Variants in POLR1C observed in about 807,000 individuals in gnomAD.
POLR1C encodes RNA polymerase I and III subunit C.
POLR1C carries 42 observed loss-of-function variants against 38.3 expected under a neutral mutation model. That is an observed-to-expected ratio of 1.10 (90% CI 0.86 to 1.42). The LOEUF is 1.42. Ranked by LOEUF, POLR1C falls within the 40% of genes most tolerant of loss-of-function variation. The pLI, the probability that POLR1C is intolerant of heterozygous loss-of-function variation, is 0.00. For missense variants in POLR1C, 507 were observed against 450.5 expected (o/e 1.13, Z -1.14); for synonymous variants, 163 against 163.9 (o/e 0.99, Z 0.04).
chr6:43,522,038 C>T (rs1057362379), downstream of POLR1C, among the ~76,000 whole-genome samples: 1 of 152,226 alleles, frequency 6.6e-6, no homozygotes, highest in African/African-American at 2.4e-5. Flanking sequence ...CACCTATCTC[C>T]TGGTTTACCA....
chr6:43,522,785 G>A (rs1478900054), downstream of POLR1C: 1 of 436,132 alleles, frequency 2.3e-6, no homozygotes, highest in Non-Finnish European at 5.0e-6. Context: ...TTTCTGTATG[G>A]ATTAACTCTG....
downstream of POLR1C, chr6:43,525,049 C>T (rs1793478842): frequency 6.3e-7 from 1 of 1,578,750 alleles, no homozygotes; most frequent in South Asian, 1.2e-5. Context: ...ATGATTTAGT[C>T]AGTCTGCATG....
intron 10 of POLR1C, chr6:43,553,514 CACACACACACAT>C (rs773697385): frequency 3.2e-6 from 5 of 1,544,918 alleles, no homozygotes; most frequent in East Asian, 2.4e-5. Context: ...CTTTAAAACA[CACACACACACAT>C]ACACACACAC....
At chr6:43,549,305 C>A (rs1032962654) in intron 9 of POLR1C, among the ~76,000 whole-genome samples, 2 of 152,328 alleles carry the variant, frequency 1.3e-5, no homozygotes, top group Non-Finnish European at 2.9e-5. Flanking sequence ...CTCAGGTGAT[C>A]TACCCACCTC....
downstream of POLR1C, chr6:43,530,621 G>A: frequency 1.9e-6 from 3 of 1,554,498 alleles, no homozygotes; most frequent in Non-Finnish European, 2.6e-6. Context: ...TGGTTGCTGT[G>A]ACCTGTTTTG....
intron 8 of POLR1C, chr6:43,528,990 T>C (rs1196854435): frequency 6.1e-6 from 9 of 1,464,820 alleles, no homozygotes; most frequent in South Asian, 1.2e-5. Flanking sequence ...AGGTGGTGGG[T>C]TGCACCCCTG....
chr6:43,530,676 T>G, downstream of POLR1C: 1 of 1,611,412 alleles, frequency 6.2e-7, no homozygotes, highest in Non-Finnish European at 8.5e-7. Flanking sequence ...GTAGAGACTT[T>G]TGAAAGGATA....
intron 9 of POLR1C, among the ~76,000 whole-genome samples, chr6:43,548,671 G>T (rs974150136): frequency 2.6e-5 from 4 of 151,642 alleles, no homozygotes; most frequent in Non-Finnish European, 5.9e-5. Flanking sequence ...TGAGTATTTG[G>T]ATAACTGCAC....
At chr6:43,526,166 A>G (rs1293820906), downstream of POLR1C, 12 of 502,420 alleles carry the variant, frequency 2.4e-5, no homozygotes, top group Non-Finnish European at 3.6e-5. Context: ...TGCTGCAAAT[A>G]CTGAAGTTAC....
chr6:43,543,559 T>C (rs114418843), intron 9 of POLR1C, among the ~76,000 whole-genome samples: 3 of 152,332 alleles, frequency 2.0e-5, no homozygotes, highest in Non-Finnish European at 4.4e-5. Context: ...AGTTGCTTCT[T>C]GATCTGAGTG....
At chr6:43,551,351 G>A in intron 10 of POLR1C, 1 of 1,614,010 alleles carries the variant, frequency 6.2e-7, no homozygotes. Flanking sequence ...AATGGAAAGA[G>A]TGCAGAGACA....
At chr6:43,518,267 G>A (rs1792948371) in intron 2 of POLR1C, among the ~76,000 whole-genome samples, 1 of 152,214 alleles carries the variant, frequency 6.6e-6, no homozygotes. Flanking sequence ...CATGAACTAA[G>A]ACTGATGGTA....
At chr6:43,560,878 G>T in intron 10 of POLR1C, 1 of 1,438,390 alleles carries the variant, frequency 7.0e-7, no homozygotes, top group Admixed American at 1.7e-5. Context: ...GCTTGACATT[G>T]GTTCACCTAA....
chr6:43,520,629 A>G lies in POLR1C; in HGVS notation c.660A>G (p.Lys220=). 6.2e-7 allele frequency: 1 copy of G among 1,614,158 alleles called. No homozygotes were observed. Among genetic ancestry groups the G allele is most frequent in the Non-Finnish European group, 8.5e-7 (1 of 1,180,014 alleles). ...ACGTTCCCTCTTCCTCTCCAGGCAAAGATCATGCCAAGTTTTCACCAGTGG... is the reference window on the plus strand; with the variant it reads ...ACGTTCCCTCTTCCTCTCCAGGCAAGGATCATGCCAAGTTTTCACCAGTGG... ...LLMHCVKGIG[K]DHAKFSPVAT... is the part of the protein sequence containing the mutation. Residue 220 remains lysine (K), a synonymous_variant, in exon 7 of 9, where the codon AAA becomes AAG. Transcript: ENST00000642195.
chr6:43,544,674 C>T (rs1004891756), intron 9 of POLR1C, among the ~76,000 whole-genome samples: 4 of 152,090 alleles, frequency 2.6e-5, no homozygotes, highest in African/African-American at 9.7e-5. Context: ...ACTTGTAATG[C>T]TAGCACTTTG....
chr6:43,525,296 G>C, downstream of POLR1C: 1 of 1,366,072 alleles, frequency 7.3e-7, no homozygotes. Context: ...GGAGCCGGAG[G>C]GTTTTTTTTT....
chr6:43,536,383 C>CACAACACAGTGGCACAACCTGCGCAACA (rs1427640896), intron 9 of POLR1C, among the ~76,000 whole-genome samples: 1 of 151,840 alleles, frequency 6.6e-6, no homozygotes, highest in Non-Finnish European at 1.5e-5. Context: ...CCACTGCACT[C>CACAACACAGTGGCACAACCTGCGCAACA]CAGCCTGCGC....
At chr6:43,520,906 A>T in intron 7 of POLR1C, 26 bp from the exon 8 acceptor site, 1 of 1,609,776 alleles carries the variant, frequency 6.2e-7, no homozygotes, top group Non-Finnish European at 8.5e-7. Context: ...AAAAAGGAAT[A>T]AAAAAACATG....
At chr6:43,530,456 C>T (rs1044110093), downstream of POLR1C, among the ~76,000 whole-genome samples, 12 of 151,988 alleles carry the variant, frequency 7.9e-5, no homozygotes, top group Non-Finnish European at 1.5e-4. Context: ...GTAATAATTC[C>T]GAGAAGGGGG....
Sources: allele counts gnomAD v4.1 joint callset (sites outside exome capture counted in the v4.1 genomes callset), GRCh38; gene constraint gnomAD v4.1.1; transcripts MANE v1.5; gene names NCBI Gene and HGNC (gene_info 2026-07-23, HGNC 2026-07-21).